Variants in KDM4C observed in about 807,000 individuals in gnomAD.
KDM4C encodes lysine demethylase 4C, also known as lysine-specific demethylase 4C.
KDM4C carries 81 observed loss-of-function variants against 129.3 expected under a neutral mutation model. The ratio of observed to expected loss-of-function variants is 0.63; its 90% confidence interval spans 0.52 to 0.75. The LOEUF is 0.75. Among genes scored for constraint, KDM4C ranks in the 30% least tolerant of loss-of-function variants. The probability of loss-of-function intolerance (pLI) is 0.00; values close to 1 mark genes in which losing one functional copy is unlikely to be tolerated. For synonymous variants in KDM4C, 573 were observed against 456.1 expected (o/e 1.26, Z -3.26); for missense variants, 1,457 against 1,304.0 (o/e 1.12, Z -1.81).
intron 15 of KDM4C, among the ~76,000 whole-genome samples, chr9:7,031,203 C>T (rs1043991219): frequency 2.0e-5 from 3 of 151,638 alleles, no homozygotes; most frequent in Admixed American, 6.6e-5. Flanking sequence ...GGCTCTGTTG[C>T]CCAGGCTGGA....
chr9:7,124,877 C>T (rs758845369), intron 18 of KDM4C, among the ~76,000 whole-genome samples: 7 of 152,138 alleles, frequency 4.6e-5, no homozygotes, highest in South Asian at 2.1e-4. Context: ...GAGACCCTTA[C>T]GAAGATGTTT....
intron 11 of KDM4C, among the ~76,000 whole-genome samples, chr9:6,987,777 T>C (rs1045069076): frequency 6.6e-5 from 10 of 152,118 alleles, no homozygotes; most frequent in Non-Finnish European, 7.4e-5. Context: ...ATCAAAAATA[T>C]GAAAGATAAA....
chr9:6,723,723 G>A (rs1817034276), intron 1 of KDM4C: 1 of 151,926 alleles, frequency 6.6e-6, no homozygotes, highest in South Asian at 2.1e-4. Context: ...TCTAACGAAG[G>A]AAAGGACTGC....
chr9:6,961,713 C>T (rs1554667929), intron 8 of KDM4C, among the ~76,000 whole-genome samples: 1 of 152,110 alleles, frequency 6.6e-6, no homozygotes, highest in Non-Finnish European at 1.5e-5. Context: ...GTGGCCCTGT[C>T]AAACAAAAAC....
chr9:7,112,949 C>T (rs946024765), intron 18 of KDM4C, among the ~76,000 whole-genome samples: 1 of 152,094 alleles, frequency 6.6e-6, no homozygotes, highest in Admixed American at 6.5e-5. Context: ...TTCTGTTTAA[C>T]AAAGTTTGTT....
intron 18 of KDM4C, among the ~76,000 whole-genome samples, chr9:7,120,550 A>T (rs938297939): frequency 6.6e-6 from 1 of 152,168 alleles, no homozygotes. Flanking sequence ...AGACCTGATT[A>T]GTTTTTTTCT....
chr9:6,914,116 A>G (rs992994789), intron 8 of KDM4C, among the ~76,000 whole-genome samples: 6 of 152,138 alleles, frequency 3.9e-5, no homozygotes, highest in Admixed American at 2.6e-4. Context: ...CTGGAGTGCA[A>G]TGGCGTAATC....
At chr9:6,942,390 G>T (rs1826125409) in intron 8 of KDM4C, 1 of 149,646 alleles carries the variant, frequency 6.7e-6, no homozygotes, top group Non-Finnish European at 1.5e-5. Context: ...GAGGCCAATG[G>T]CTGCCTCTTT....
intron 2 of KDM4C, 137 bp downstream of exon 2, chr9:6,793,269 A>G (rs549845380): frequency 2.5e-5 from 20 of 789,852 alleles, no homozygotes; most frequent in Non-Finnish European, 3.6e-5. Flanking sequence ...CATGTGAAAC[A>G]TTTGATTTCT....
At chr9:7,122,117 C>T (rs897022964) in intron 18 of KDM4C, among the ~76,000 whole-genome samples, 5 of 152,016 alleles carry the variant, frequency 3.3e-5, no homozygotes, top group African/African-American at 7.3e-5. Flanking sequence ...TATGGTTCTG[C>T]AGGCTGTATA....
intron 17 of KDM4C, among the ~76,000 whole-genome samples, chr9:7,050,464 AAAAC>A (rs1211984888): frequency 2.0e-5 from 3 of 151,422 alleles, no homozygotes; most frequent in East Asian, 1.9e-4. Context: ...AAGACACCAA[AAAAC>A]AAACAAAACG....
intron 11 of KDM4C, among the ~76,000 whole-genome samples, chr9:6,988,268 A>T (rs1008759659): frequency 3.9e-5 from 6 of 152,100 alleles, no homozygotes; most frequent in African/African-American, 1.4e-4. Context: ...TGACTGAGTC[A>T]AATGCCTGCT....
chr9:6,885,621 A>G (rs1414854023), intron 6 of KDM4C, among the ~76,000 whole-genome samples: 1 of 20,496 alleles, frequency 4.9e-5, no homozygotes, highest in African/African-American at 2.9e-4. Flanking sequence ...TAAAAAAGAC[A>G]AAAAAAAAAA....
At chr9:7,084,075 G>T (rs892863824) in intron 17 of KDM4C, among the ~76,000 whole-genome samples, 2 of 152,178 alleles carry the variant, frequency 1.3e-5, no homozygotes, top group Admixed American at 6.5e-5. Context: ...GAACATTTTA[G>T]TGAAAATAAG....
At chr9:7,016,751 C>T (rs1049473038) in intron 15 of KDM4C, among the ~76,000 whole-genome samples, 1 of 152,032 alleles carries the variant, frequency 6.6e-6, no homozygotes, top group Non-Finnish European at 1.5e-5. Flanking sequence ...GGTGGCAGTC[C>T]TCTACTTAGG....
intron 5 of KDM4C, among the ~76,000 whole-genome samples, chr9:6,859,303 C>G (rs945158794): frequency 2.0e-5 from 3 of 151,824 alleles, no homozygotes; most frequent in African/African-American, 7.3e-5. Context: ...TGGTGAAACC[C>G]TGTCTCTGCT....
intron 1 of KDM4C, among the ~76,000 whole-genome samples, chr9:6,768,447 T>G (rs536799874): frequency 1.3e-5 from 2 of 152,244 alleles, no homozygotes; most frequent in Non-Finnish European, 2.9e-5. Flanking sequence ...GTTGTCTTCA[T>G]GCTCCCTCAC....
intron 7 of KDM4C, among the ~76,000 whole-genome samples, chr9:6,888,881 G>A (rs1036204568): frequency 3.1e-5 from 1 of 32,674 alleles, no homozygotes; most frequent in African/African-American, 2.1e-4. Flanking sequence ...TCCGCCTCCC[G>A]GGTTCACGCC....
At chr9:7,032,480 G>C (rs917173160) in intron 15 of KDM4C, among the ~76,000 whole-genome samples, 1 of 152,136 alleles carries the variant, frequency 6.6e-6, no homozygotes, top group African/African-American at 2.4e-5. Context: ...TTTCATTTTC[G>C]AACTTTGGAC....
Sources: gnomAD v4.1 joint callset for allele counts (sites outside exome capture counted in the v4.1 genomes callset) on GRCh38, gnomAD v4.1.1 for gene constraint, MANE v1.5 for transcripts, NCBI Gene and HGNC (gene_info 2026-07-23, HGNC 2026-07-21) for gene names.